The following RALGPS2 variants were observed in gnomAD, a reference collection of about 807,000 sequenced individuals.
RALGPS2 encodes ras-specific guanine nucleotide-releasing factor RalGPS2.
A neutral mutation model predicts 86.8 loss-of-function variants in RALGPS2; 43 were observed. That is an observed-to-expected ratio of 0.50 (90% CI 0.39 to 0.64). RALGPS2 has a LOEUF of 0.64. RALGPS2 is among the 30% of genes least tolerant of loss of function. The probability of loss-of-function intolerance (pLI) is 0.00; values close to 1 mark genes in which losing one functional copy is unlikely to be tolerated. For synonymous variants in RALGPS2, 243 were observed against 231.3 expected (o/e 1.05, Z -0.46); for missense variants, 536 against 694.6 (o/e 0.77, Z 2.57).
intron 8 of RALGPS2, among the ~76,000 whole-genome samples, chr1:178,840,239 A>G (rs1365794648): frequency 1.3e-5 from 2 of 152,238 alleles, no homozygotes; most frequent in African/African-American, 4.8e-5. Context: ...AAAATTGACC[A>G]CATAGTTGGA....
chr1:178,895,737 G>A (rs1159356912), intron 16 of RALGPS2, among the ~76,000 whole-genome samples: 5 of 151,924 alleles, frequency 3.3e-5, no homozygotes, highest in Admixed American at 6.6e-5. Context: ...TCTAGGTTTG[G>A]GGACTGAGAT....
intron 17 of RALGPS2, 121 bp downstream of exon 17, chr1:178,897,877 G>A (rs1294603965): frequency 1.5e-6 from 1 of 678,200 alleles, no homozygotes; most frequent in Non-Finnish European, 2.5e-6. Flanking sequence ...CTATCTTCTA[G>A]TCCAAAAGTT....
intron 4 of RALGPS2, among the ~76,000 whole-genome samples, chr1:178,794,601 T>C (rs1033887931): frequency 6.6e-6 from 1 of 152,226 alleles, no homozygotes; most frequent in Non-Finnish European, 1.5e-5. Context: ...CTTGTATTTC[T>C]TCAGAAGGCA....
rs1660840550 is a variant in RALGPS2, at chr1:178,917,072, G to T, written c.*713G>T. 6.6e-6 allele frequency: 1 copy of T among 152,168 alleles called. No homozygotes were observed. 9.4% of individuals were successfully genotyped at this position (152,168 alleles called of 1,614,324 possible). On this transcript the variant is annotated 3_prime_UTR_variant, in exon 20 of 20. Transcript: ENST00000367635. ...AGGGGAACATTATTTCCTGCAGGAGGTACAAAGGCTGTGTGTTCATTTGCC... is the reference window on the plus strand; with the variant it reads ...AGGGGAACATTATTTCCTGCAGGAGTTACAAAGGCTGTGTGTTCATTTGCC...
At position 178,845,695 on chromosome 1, in the gene RALGPS2, G is replaced by A. The variant is rs1227041228; in HGVS notation, c.607+12145G>A. On this transcript the variant is annotated intron_variant, in intron 8 of 19. Coordinates refer to ENST00000367635, the MANE Select transcript of RALGPS2 (RefSeq NM_152663.5). The stretch of plus-strand genomic sequence containing the variant: ...CCCACCCCTGATTTTTTTTGTTGTT[G>A]TTATTTTGTTTTGTTTTTGGTGCCT... Among the ~76,000 whole-genome samples the A allele has an allele frequency of 4.6e-5, 7 of 152,106 alleles. No homozygotes were observed. The East Asian group carries it at 1.4e-3, about 29-fold the overall frequency.
chr1:178,762,544 C>T (rs1026330434), intron 1 of RALGPS2, among the ~76,000 whole-genome samples: 6 of 152,090 alleles, frequency 3.9e-5, no homozygotes, highest in Admixed American at 6.5e-5. Flanking sequence ...TAATAATAGC[C>T]GTTCTGACTG....
chr1:178,770,506 A>G (rs1232469470), intron 1 of RALGPS2, among the ~76,000 whole-genome samples: 1 of 140,810 alleles, frequency 7.1e-6, no homozygotes, highest in African/African-American at 2.7e-5. Context: ...CATACTTCAT[A>G]CTTTTTTTTT....
intron 10 of RALGPS2, among the ~76,000 whole-genome samples, chr1:178,882,093 A>G (rs915345272): frequency 1.8e-4 from 27 of 152,156 alleles, no homozygotes; most frequent in African/African-American, 6.3e-4. Context: ...TGGTGCTTTG[A>G]CGATGTTGTA....
At chr1:178,765,549 A>G (rs1652461491) in intron 1 of RALGPS2, among the ~76,000 whole-genome samples, 1 of 152,186 alleles carries the variant, frequency 6.6e-6, no homozygotes, top group South Asian at 2.1e-4. Flanking sequence ...AAAATTGTTA[A>G]TGAAGTTTCG....
intron 8 of RALGPS2, among the ~76,000 whole-genome samples, chr1:178,866,951 G>A (rs1265685203): frequency 6.6e-6 from 1 of 152,046 alleles, no homozygotes; most frequent in Non-Finnish European, 1.5e-5. Context: ...AATGGGTAAG[G>A]TATGTTCACT....
chr1:178,890,653 A>G (rs1290908862), intron 14 of RALGPS2, among the ~76,000 whole-genome samples: 2 of 151,882 alleles, frequency 1.3e-5, no homozygotes, highest in Non-Finnish European at 2.9e-5. Flanking sequence ...ATAGATCCTT[A>G]TTTTTTATGT....
chr1:178,894,043 A>G lies in RALGPS2; in HGVS notation c.1431+19A>G, dbSNP rs776289785. 4.7e-5 allele frequency: 67 copies of G among 1,411,098 alleles called. No individual in the cohort carries two copies. In the East Asian group the frequency reaches 1.3e-3, roughly 27 times the overall value. 87.4% of individuals were successfully genotyped at this position (1,411,098 alleles called of 1,614,324 possible). ...GCCTACAGTAAGATTTCATCATATT[A>G]TATTTTAATACACCTCTAAAAATAT... On this transcript the variant is annotated intron_variant, in intron 16 of 19. Coordinates refer to ENST00000367635, the MANE Select transcript of RALGPS2 (RefSeq NM_152663.5).
intron 19 of RALGPS2, among the ~76,000 whole-genome samples, chr1:178,908,902 C>T (rs1244912191): frequency 1.3e-5 from 2 of 152,044 alleles, no homozygotes; most frequent in Non-Finnish European, 2.9e-5. Flanking sequence ...TGCAGAAGCT[C>T]TCTAATTAGG....
chr1:178,746,564 G>A lies in RALGPS2; in HGVS notation c.-84+21145G>A, dbSNP rs142105737. The A allele has an allele frequency of 1.2e-3, 766 of 645,942 alleles. 8 individuals carry two copies. The highest frequency in any genetic ancestry group is 0.012 in the African/African-American group (646 of 54,662). The allele number at this position is 645,942 out of a possible 1,614,324, so 40.0% of individuals were successfully genotyped here. ...AAGTTTACTTTGTAAACAAACAACTGTGAGGCAATCTAGAGGGTTAGCGAG... is the reference window on the plus strand; with the variant it reads ...AAGTTTACTTTGTAAACAAACAACTATGAGGCAATCTAGAGGGTTAGCGAG... On this transcript the variant is annotated intron_variant, in intron 1 of 19. Transcript: ENST00000367635.
chr1:178,764,245 C>G, intron 1 of RALGPS2, among the ~76,000 whole-genome samples: 1 of 152,112 alleles, frequency 6.6e-6, no homozygotes, highest in South Asian at 2.1e-4. Flanking sequence ...TTATTTTAAT[C>G]TTTGTTTAAA....
At chr1:178,823,054 T>G (rs893021259) in intron 7 of RALGPS2, among the ~76,000 whole-genome samples, 16 of 152,168 alleles carry the variant, frequency 1.1e-4, no homozygotes, top group African/African-American at 2.9e-4. Context: ...ACGCCTGATC[T>G]CAAGTGATCC....
At chr1:178,746,809 C>G (rs1378292378) in intron 1 of RALGPS2, 1 of 1,049,338 alleles carries the variant, frequency 9.5e-7, no homozygotes. Flanking sequence ...GTAGAACACT[C>G]TCATTGTTCT....
chr1:178,725,309 G>T lies in RALGPS2; in HGVS notation c.-194G>T. 1.2e-5 allele frequency: 2 copies of T among 169,426 alleles called. No individual in the cohort carries two copies. Among genetic ancestry groups the T allele is most frequent in the South Asian group, 2.8e-4 (2 of 7,070 alleles). 10.5% of individuals were successfully genotyped at this position (169,426 alleles called of 1,614,324 possible). On this transcript the variant is annotated 5_prime_UTR_variant, in exon 1 of 20. Transcript: ENST00000367635. ...CTGCTGCGGGCGCTGAATGAGAGAC[G>T]GTGACTGTTCGGGTCGACGAGTGCT...
chr1:178,761,617 A>C (rs1260231809), intron 1 of RALGPS2, among the ~76,000 whole-genome samples: 1 of 151,268 alleles, frequency 6.6e-6, no homozygotes, highest in Non-Finnish European at 1.5e-5. Flanking sequence ...CTGGAGTGTA[A>C]TGGTGTAATC....
Sources: allele counts gnomAD v4.1 joint callset (sites outside exome capture counted in the v4.1 genomes callset), GRCh38; gene constraint gnomAD v4.1.1; transcripts MANE v1.5; gene names NCBI Gene and HGNC (gene_info 2026-07-23, HGNC 2026-07-21).